Variants in DCP1B observed in about 807,000 individuals in gnomAD.
DCP1B encodes the protein decapping mRNA 1B, also known as mRNA-decapping enzyme 1B.
Under a neutral mutation model 60.5 loss-of-function variants are expected in DCP1B, and 47 were observed. The observed-to-expected ratio is 0.78, with a 90% CI of 0.61 to 0.99. The LOEUF (loss-of-function observed/expected upper bound fraction) is 0.99. Among genes scored for constraint, DCP1B ranks in the 50% least tolerant of loss-of-function variants. The pLI is 0.00. For missense variants in DCP1B, 725 were observed against 756.8 expected (o/e 0.96, Z 0.49); for synonymous variants, 267 against 280.3 (o/e 0.95, Z 0.47).
chr12:1,953,313 A>C, intron 6 of DCP1B, 25 bp from the exon 7 acceptor site: 2 of 1,537,170 alleles, frequency 1.3e-6, no homozygotes, highest in Non-Finnish European at 8.7e-7. Context: ...GATATCTGAC[A>C]TGAGTCTACA....
At position 1,965,545 on chromosome 12, in the gene DCP1B, G is replaced by A; in HGVS notation, c.522+13C>T. 1.2e-6 allele frequency: 2 copies of A among 1,608,188 alleles called. No individual in the cohort carries two copies. Among genetic ancestry groups the A allele is most frequent in the African/African-American group, 2.7e-5 (2 of 74,744 alleles). ...GAAGTGTGTATGTATCACAAGGAAGGGCAAACACTCACCTTTGTGTATTCG... is the reference window on the plus strand; with the variant it reads ...GAAGTGTGTATGTATCACAAGGAAGAGCAAACACTCACCTTTGTGTATTCG... On this transcript the variant is annotated intron_variant, in intron 5 of 8. Coordinates refer to ENST00000280665, the MANE Select transcript of DCP1B (RefSeq NM_152640.5).
chr12:1,958,154 T>C (rs2030962815), intron 5 of DCP1B, among the ~76,000 whole-genome samples: 2 of 144,464 alleles, frequency 1.4e-5, no homozygotes, highest in Admixed American at 6.9e-5. Context: ...AATGACTTTT[T>C]CTATAAACCT....
At chr12:1,970,814 C>G in intron 3 of DCP1B, 2 of 271,700 alleles carry the variant, frequency 7.4e-6, no homozygotes, top group South Asian at 7.3e-5. Context: ...GCAGGGAAGA[C>G]GAAAATACAA....
At chr12:1,985,305 T>A (rs2037384169) in intron 3 of DCP1B, among the ~76,000 whole-genome samples, 1 of 152,214 alleles carries the variant, frequency 6.6e-6, no homozygotes, top group Non-Finnish European at 1.5e-5. Flanking sequence ...TTAAAAAACA[T>A]CTTGGCTCTA....
chr12:2,002,371 C>G (rs528340701), intron 1 of DCP1B, among the ~76,000 whole-genome samples: 1 of 152,316 alleles, frequency 6.6e-6, no homozygotes, highest in Non-Finnish European at 1.5e-5. Context: ...CTAGGTCTCT[C>G]TGTTTTTCTG....
At chr12:1,991,644 C>T (rs2039452807) in intron 3 of DCP1B, 1 of 183,282 alleles carries the variant, frequency 5.5e-6, no homozygotes, top group South Asian at 1.1e-4. Flanking sequence ...TAAACGGCCA[C>T]AGTAGTTAGT....
In DCP1B at chr12:1,962,678, T is replaced by G. The variant is rs1356943702; in HGVS notation, c.522+2880A>C. On this transcript the variant is annotated intron_variant, in intron 5 of 8. Coordinates refer to ENST00000280665, the MANE Select transcript of DCP1B (RefSeq NM_152640.5). This position sits in a 1 kb window ranked among gnomAD's most constrained non-coding sequence, Gnocchi z 4.4. ...TTTGAAGAATTAAAAAAACACAAAA[T>G]GAATACAGAATAGTTACTGTCTGAA... Among the ~76,000 whole-genome samples, 1 of 151,964 alleles carries G rather than the reference T, an allele frequency of 6.6e-6. No individual in the cohort carries two copies. Among genetic ancestry groups the G allele is most frequent in the Non-Finnish European group, 1.5e-5 (1 of 67,968 alleles).
At chr12:1,943,797 A>G (rs1486003715), downstream of DCP1B, among the ~76,000 whole-genome samples, 1 of 152,218 alleles carries the variant, frequency 6.6e-6, no homozygotes, top group Admixed American at 6.5e-5. Context: ...TCTCAAAATA[A>G]TAAGAGCTAT....
At position 1,946,270 on chromosome 12, in the gene DCP1B, A is replaced by C; in HGVS notation, c.1790T>G (p.Leu597Ter). The change falls in exon 9 of 9, where the codon TTA (leucine) becomes TGA (stop). Residue 597 changes from leucine (L) to a stop codon, truncating the protein, a stop_gained. Coordinates refer to ENST00000280665, the MANE Select transcript of DCP1B (RefSeq NM_152640.5). LOFTEE classifies it high-confidence loss of function. ...GAGATAGGCTTCATAGATTATATTT[A>C]AGAAGTTGTCATCATTCTGGAAAAC... ...LYLIQNDDNF[L>*]NIIYEAYLFS... The C allele has an allele frequency of 4.4e-6, 7 of 1,605,582 alleles. No individual in the cohort carries two copies. The highest frequency in any genetic ancestry group is 5.9e-6 in the Non-Finnish European group (7 of 1,176,932).
intron 3 of DCP1B, among the ~76,000 whole-genome samples, chr12:1,986,231 T>G (rs1333506156): frequency 6.6e-6 from 1 of 152,234 alleles, no homozygotes; most frequent in Non-Finnish European, 1.5e-5. Flanking sequence ...TGGGTTCTGT[T>G]ACATGTATGT....
chr12:1,965,377 A>G (rs112012351), intron 5 of DCP1B, among the ~76,000 whole-genome samples, 181 bp downstream of exon 5: 4,148 of 152,278 alleles, frequency 0.027, 95 homozygotes, highest in Middle Eastern at 0.054. Flanking sequence ...TAACCCACTT[A>G]AAGGCAAACA....
chr12:1,973,773 A>G (rs2154459399), intron 3 of DCP1B, among the ~76,000 whole-genome samples: 2 of 152,340 alleles, frequency 1.3e-5, no homozygotes, highest in South Asian at 4.1e-4. Flanking sequence ...TACAACAAAT[A>G]TAAATAGAAA....
In DCP1B at chr12:1,948,944, G is replaced by T; in HGVS notation, c.1773+142C>A. On this transcript the variant is annotated intron_variant, in intron 8 of 8. Transcript: ENST00000280665. This position sits in a 1 kb window ranked among gnomAD's most constrained non-coding sequence, Gnocchi z 4.8. ...ACCTAGCTAACTGAGCACAGAAGCC[G>T]CTGGGGTCAGGATGAGTTGTTACAC... 9.2e-7 allele frequency: 1 copy of T among 1,091,256 alleles called. No homozygotes were observed. The highest frequency in any genetic ancestry group is 1.3e-6 in the Non-Finnish European group (1 of 766,508). The allele number at this position is 1,091,256 out of a possible 1,614,324, so 67.6% of individuals were successfully genotyped here. A position where few individuals can be genotyped will look rare whatever the true frequency, so the allele number is the denominator to read the frequency against.
Position 1,952,797 on chromosome 12 carries a change from G to A in DCP1B, c.1143C>T (p.Ala381=). The change falls in exon 7 of 9, where the codon GCC becomes GCT. Residue 381 remains alanine (A), a synonymous_variant. Transcript: ENST00000280665. ...AAGTGGGAGCTCTGCTGCGGTTCAGGGCAGCTGAGCTGGCAGGTGCTGGTG... is the reference window on the plus strand; with the variant it reads ...AAGTGGGAGCTCTGCTGCGGTTCAGAGCAGCTGAGCTGGCAGGTGCTGGTG... The part of the protein sequence containing the change: ...PSTPAPASSA[A]LNRSRAPTSV... 6.2e-7 allele frequency: 1 copy of A among 1,614,170 alleles called. No homozygotes were observed. The highest frequency in any genetic ancestry group is 2.2e-5 in the East Asian group (1 of 44,874).
intron 3 of DCP1B, among the ~76,000 whole-genome samples, chr12:1,980,477 G>A (rs2035779491): frequency 6.6e-6 from 1 of 151,942 alleles, no homozygotes; most frequent in African/African-American, 2.4e-5. Context: ...TCAATATAGT[G>A]CTGAGTCAGA....
At chr12:1,992,912 G>C (rs916310132) in intron 3 of DCP1B, 2 of 535,290 alleles carry the variant, frequency 3.7e-6, no homozygotes, top group South Asian at 2.8e-5. Context: ...TTAATTCTTC[G>C]TTCAGGGAGC....
At chr12:1,983,219 T>C (rs1244044975) in intron 3 of DCP1B, among the ~76,000 whole-genome samples, 2 of 136,146 alleles carry the variant, frequency 1.5e-5, no homozygotes, top group Non-Finnish European at 3.2e-5. Context: ...TAATTTTCTC[T>C]AAACAGTTTT....
At chr12:1,981,315 T>C (rs533017494) in intron 3 of DCP1B, among the ~76,000 whole-genome samples, 2 of 152,320 alleles carry the variant, frequency 1.3e-5, no homozygotes, top group East Asian at 3.9e-4. Flanking sequence ...TTGTGAACTT[T>C]TAGGTTAAGT....
rs533523834 is a variant in DCP1B, at chr12:1,961,005, G to A, written c.522+4553C>T. Among the ~76,000 whole-genome samples the A allele has an allele frequency of 2.6e-5, 4 of 152,324 alleles. No homozygotes were observed. In the East Asian group the frequency reaches 5.8e-4, roughly 22 times the overall value. ...CAGAGACAACACAATGTAAGAAGGC[G>A]ATGGAATGCTCTTTCCAAACATAAG... On this transcript the variant is annotated intron_variant, in intron 5 of 8. Coordinates refer to ENST00000280665, the MANE Select transcript of DCP1B (RefSeq NM_152640.5).
Sources: allele counts gnomAD v4.1 joint callset (sites outside exome capture counted in the v4.1 genomes callset), GRCh38; gene constraint gnomAD v4.1.1; non-coding constraint Gnocchi (gnomAD v3.1); transcripts MANE v1.5; gene names NCBI Gene and HGNC (gene_info 2026-07-23, HGNC 2026-07-21).